The following MPPED2 variants were observed in gnomAD, a reference collection of about 807,000 sequenced individuals.
The protein encoded by MPPED2 is metallophosphoesterase domain containing 2, also known as metallophosphoesterase MPPED2.
In MPPED2, 5 loss-of-function variants were observed where a neutral mutation model predicts 33.0. The observed-to-expected ratio is 0.15, with a 90% CI of 0.08 to 0.32. The LOEUF is 0.32. Among genes scored for constraint, MPPED2 ranks in the 10% least tolerant of loss-of-function variants. MPPED2 has a pLI of 1.00. For synonymous variants in MPPED2, 136 were observed against 141.9 expected, an observed-to-expected ratio of 0.96 and a Z score of 0.29; for missense variants, 275 against 372.1, an observed-to-expected ratio of 0.74 and a Z score of 2.15.
intron 4 of MPPED2, among the ~76,000 whole-genome samples, chr11:30,457,788 A>G (rs1157587451): frequency 6.6e-6 from 1 of 152,196 alleles, no homozygotes; most frequent in African/African-American, 2.4e-5. Context: ...TGGGTATTCT[A>G]GAATTAGTAA....
At chr11:30,552,426 A>G (rs1377140662) in intron 2 of MPPED2, among the ~76,000 whole-genome samples, 1 of 152,246 alleles carries the variant, frequency 6.6e-6, no homozygotes, top group Non-Finnish European at 1.5e-5. Context: ...ATGTATATAA[A>G]AAGCAAAGAA....
intron 3 of MPPED2, among the ~76,000 whole-genome samples, chr11:30,522,172 A>G (rs1213044269): frequency 6.6e-6 from 1 of 152,172 alleles, no homozygotes; most frequent in East Asian, 1.9e-4. Flanking sequence ...GAATAGAAAA[A>G]AAAATGTCAT....
In MPPED2 at chr11:30,495,285, T is replaced by C; in HGVS notation, c.536+11A>G. 2.5e-6 allele frequency: 4 copies of C among 1,589,602 alleles called. No homozygotes were observed. Among genetic ancestry groups the C allele is most frequent in the Non-Finnish European group, 3.5e-6 (4 of 1,157,718 alleles). On this transcript the variant is annotated intron_variant, in intron 4 of 6. Coordinates refer to ENST00000358117, the MANE Select transcript of MPPED2 (RefSeq NM_001584.3). Reference sequence around the variant, plus strand: ...AAAGCAATGTGGAAAACTGTTTGAATCATCACTTACCAAGGTGCACCGTAT... The same window carrying C: ...AAAGCAATGTGGAAAACTGTTTGAACCATCACTTACCAAGGTGCACCGTAT...
chr11:30,490,891 AT>A (rs35621060), intron 4 of MPPED2, among the ~76,000 whole-genome samples: 44,678 of 151,916 alleles, frequency 0.29, 7,077 homozygotes, highest in African/African-American at 0.41. Flanking sequence ...AATTATAGCT[AT>A]TTTCCTAGTC....
At chr11:30,435,553 G>C (rs1259124485) in intron 4 of MPPED2, among the ~76,000 whole-genome samples, 1 of 152,210 alleles carries the variant, frequency 6.6e-6, no homozygotes, top group Non-Finnish European at 1.5e-5. Context: ...CAGTGAGAAG[G>C]AGAGAAAACT....
At chr11:30,426,076 C>T (rs2310798) in intron 4 of MPPED2, among the ~76,000 whole-genome samples, 34,292 of 152,122 alleles carry the variant, frequency 0.23, 6,176 homozygotes, top group African/African-American at 0.51. Flanking sequence ...GCCATTACTT[C>T]CGATTACTTT....
chr11:30,535,910 G>T, intron 3 of MPPED2, 84 bp downstream of exon 3: 2 of 1,199,128 alleles, frequency 1.7e-6, no homozygotes, highest in Non-Finnish European at 2.3e-6. Context: ...TGGCTTCCAA[G>T]TGCTCTAATT....
Position 30,469,938 on chromosome 11 carries a change from A to C in MPPED2, c.536+25358T>G, listed in dbSNP as rs1256741803. Among the ~76,000 whole-genome samples the C allele has an allele frequency of 2.6e-5, 4 of 151,998 alleles. No homozygotes were observed. In the East Asian group the frequency reaches 7.7e-4, roughly 29 times the overall value. Reference sequence around the variant, plus strand: ...CTGTGTCATGGAAGGTACCCAGAGAACTCCATGGAGAGTAGCTTCAGCCCA... The same window carrying C: ...CTGTGTCATGGAAGGTACCCAGAGACCTCCATGGAGAGTAGCTTCAGCCCA... On this transcript the variant is annotated intron_variant, in intron 4 of 6. Transcript: ENST00000358117.
At chr11:30,425,184 C>T (rs1247381144) in intron 4 of MPPED2, among the ~76,000 whole-genome samples, 19 of 152,126 alleles carry the variant, frequency 1.2e-4, no homozygotes, top group Non-Finnish European at 2.9e-5. Flanking sequence ...GCCCCATGAG[C>T]TACTCATGGG....
At chr11:30,502,591 C>T (rs1329839975) in intron 3 of MPPED2, among the ~76,000 whole-genome samples, 1 of 151,674 alleles carries the variant, frequency 6.6e-6, no homozygotes, top group Non-Finnish European at 1.5e-5. Flanking sequence ...TATGTGAGGT[C>T]CCAGAATCTA....
intron 2 of MPPED2, among the ~76,000 whole-genome samples, chr11:30,550,539 G>A (rs111439882): frequency 3.3e-5 from 5 of 152,284 alleles, no homozygotes; most frequent in African/African-American, 1.2e-4. Flanking sequence ...TAGGAAGCAG[G>A]TAATTTTTAA....
At chr11:30,513,953 A>G (rs970495810) in intron 3 of MPPED2, among the ~76,000 whole-genome samples, 5 of 152,140 alleles carry the variant, frequency 3.3e-5, no homozygotes, top group African/African-American at 1.2e-4. Flanking sequence ...GCCATACCCA[A>G]GGGACTCCAT....
In MPPED2 at chr11:30,580,251, T is replaced by C; in HGVS notation, c.123A>G (p.Val41=). The change falls in exon 2 of 7, where the codon GTA becomes GTG. Residue 41 remains valine, a synonymous_variant. Transcript: ENST00000358117. ...INQSRFQPPH[V]HMVDPIPYDT... is the part of the protein sequence containing the mutation. ...AGTTCATAAGCGATACTTACATATG[T>C]ACATGTGGAGGCTGGAATCTGCTCT... 1 of 1,613,928 alleles carries C rather than the reference T, an allele frequency of 6.2e-7. No homozygotes were observed. The highest frequency in any genetic ancestry group is 1.1e-5 in the South Asian group (1 of 91,042).
intron 3 of MPPED2, among the ~76,000 whole-genome samples, chr11:30,533,552 T>C (rs894465384): frequency 6.6e-6 from 1 of 152,120 alleles, no homozygotes; most frequent in South Asian, 2.1e-4. Flanking sequence ...CAGCTGCTGC[T>C]AGAAGCACCC....
At chr11:30,499,939 T>C (rs951869129) in intron 3 of MPPED2, among the ~76,000 whole-genome samples, 4 of 152,210 alleles carry the variant, frequency 2.6e-5, no homozygotes, top group Non-Finnish European at 5.9e-5. Flanking sequence ...TTCCAGCTTC[T>C]TGTGGGAAAT....
chr11:30,403,140 G>T lies in MPPED2; in HGVS notation c.766+11088C>A, dbSNP rs1009937657. On this transcript the variant is annotated intron_variant, in intron 6 of 6. Transcript: ENST00000448418. ...CGGGCAGCTGTAGTCCCAGCTACTCGCGAGGATGAGGCAGGAGAATGGCGT... is the reference window on the plus strand; with the variant it reads ...CGGGCAGCTGTAGTCCCAGCTACTCTCGAGGATGAGGCAGGAGAATGGCGT... Among the ~76,000 whole-genome samples, 8 of 152,010 alleles carry T rather than the reference G, an allele frequency of 5.3e-5. No homozygotes were observed. The East Asian group carries it at 7.7e-4, about 15-fold the overall frequency.
intron 2 of MPPED2, among the ~76,000 whole-genome samples, chr11:30,537,795 T>G (rs1384176817): frequency 6.6e-6 from 1 of 152,184 alleles, no homozygotes; most frequent in Non-Finnish European, 1.5e-5. Context: ...GGTTAGAAAT[T>G]AATATGCTGT....
intron 2 of MPPED2, among the ~76,000 whole-genome samples, chr11:30,545,153 C>T (rs1458501730): frequency 3.3e-5 from 5 of 152,076 alleles, no homozygotes. Context: ...CATCTTTCTC[C>T]CTCTACCCAG....
intron 4 of MPPED2, among the ~76,000 whole-genome samples, chr11:30,440,707 T>C: frequency 6.6e-6 from 1 of 152,230 alleles, no homozygotes. Context: ...TGCAGTCTAC[T>C]GCTGACACGT....
Sources: allele counts gnomAD v4.1 joint callset (sites outside exome capture counted in the v4.1 genomes callset), GRCh38; gene constraint gnomAD v4.1.1; transcripts MANE v1.5; gene names NCBI Gene and HGNC (gene_info 2026-07-23, HGNC 2026-07-21).